KIF6: variants seen among roughly 807,000 people sequenced by gnomAD.
KIF6 encodes the protein kinesin family member 6.
KIF6 carries 106 observed loss-of-function variants against 112.7 expected under a neutral mutation model. The observed-to-expected ratio is 0.94, with a 90% CI of 0.80 to 1.11. The LOEUF is 1.11. Ranked by LOEUF, KIF6 falls within the 50% of genes least tolerant of loss-of-function variation. KIF6 has a pLI of 0.00. For missense variants in KIF6, 929 were observed against 964.0 expected, an observed-to-expected ratio of 0.96 and a Z score of 0.48; for synonymous variants, 339 against 339.9, an observed-to-expected ratio of 1.00 and a Z score of 0.03.
chr6:39,337,184 T>TTTCTTTCTTTCTTTCTTTCTTTCTTTC (rs1763032088), intron 22 of KIF6, among the ~76,000 whole-genome samples: 1 of 89,086 alleles, frequency 1.1e-5, no homozygotes, highest in Non-Finnish European at 2.0e-5. Flanking sequence ...TCTTTCTTTC[T>TTTCTTTCTTTCTTTCTTTCTTTCTTTC]TTCTTTCTTT....
At chr6:39,443,391 A>G (rs1485128375) in intron 13 of KIF6, among the ~76,000 whole-genome samples, 1 of 152,036 alleles carries the variant, frequency 6.6e-6, no homozygotes, top group Non-Finnish European at 1.5e-5. Context: ...ATCTATGCCT[A>G]AATTAGGAAT....
rs185841065 is a variant in KIF6, at chr6:39,368,818, G to A, written c.1862-6300C>T. Among the ~76,000 whole-genome samples the A allele has an allele frequency of 3.3e-4, 51 of 152,308 alleles. 1 individual carries two copies. The East Asian group carries it at 7.0e-3, about 21-fold the overall frequency. ...TCCAAGCATTCACCAAAGCCAAAAGGGGCCCTCTGGGCCTCTGTAGAGCAA... is the reference window on the plus strand; with the variant it reads ...TCCAAGCATTCACCAAAGCCAAAAGAGGCCCTCTGGGCCTCTGTAGAGCAA... On this transcript the variant is annotated intron_variant, in intron 16 of 22. Coordinates refer to ENST00000287152, the MANE Select transcript of KIF6 (RefSeq NM_145027.6).
chr6:39,672,241 CA>C (rs1786859813), intron 3 of KIF6, among the ~76,000 whole-genome samples: 1 of 152,128 alleles, frequency 6.6e-6, no homozygotes, highest in Non-Finnish European at 1.5e-5. Flanking sequence ...CTCAGCCTTC[CA>C]AAGTGCTGGG....
intron 13 of KIF6, among the ~76,000 whole-genome samples, chr6:39,508,749 C>T (rs1381951660): frequency 6.6e-6 from 1 of 152,142 alleles, no homozygotes; most frequent in African/African-American, 2.4e-5. Context: ...GGGTGGAGCC[C>T]ACCGCAGCTC....
At chr6:39,618,122 T>C (rs140198678) in intron 5 of KIF6, among the ~76,000 whole-genome samples, 78 of 152,304 alleles carry the variant, frequency 5.1e-4, no homozygotes, top group African/African-American at 1.7e-3. Context: ...AAAATATAAA[T>C]ACTTGAAATA....
At chr6:39,520,119 C>T (rs1485547007) in intron 13 of KIF6, among the ~76,000 whole-genome samples, 21 of 152,146 alleles carry the variant, frequency 1.4e-4, no homozygotes, top group Admixed American at 1.4e-3. Context: ...TATTCCTCTT[C>T]CGGAGCAGTT....
intron 9 of KIF6, chr6:39,583,076 G>A: frequency 4.0e-6 from 1 of 248,534 alleles, no homozygotes; most frequent in Non-Finnish European, 8.3e-6. Flanking sequence ...ACATAATAAT[G>A]TTTACCTTTC....
intron 10 of KIF6, among the ~76,000 whole-genome samples, chr6:39,557,941 C>T (rs1582130995): frequency 6.6e-6 from 1 of 150,832 alleles, no homozygotes; most frequent in African/African-American, 2.4e-5. Context: ...GATTTCTATC[C>T]CCCTTTTTTT....
intron 13 of KIF6, among the ~76,000 whole-genome samples, chr6:39,535,651 C>T (rs573986314): frequency 0.014 from 2,112 of 152,270 alleles, 31 homozygotes; most frequent in Middle Eastern, 0.054. Flanking sequence ...TTAGACAGAT[C>T]AACAAGACAG....
At chr6:39,545,298 T>G (rs939265544) in intron 11 of KIF6, among the ~76,000 whole-genome samples, 2 of 152,200 alleles carry the variant, frequency 1.3e-5, no homozygotes, top group African/African-American at 4.8e-5. Context: ...TCTCTTGATA[T>G]AGCTTGAAAA....
chr6:39,653,215 T>A (rs762954617), intron 3 of KIF6, among the ~76,000 whole-genome samples: 10 of 152,124 alleles, frequency 6.6e-5, no homozygotes, highest in Non-Finnish European at 1.2e-4. Context: ...TCCTCTGGAG[T>A]ACCTTGATTT....
intron 7 of KIF6, 43 bp downstream of exon 7, chr6:39,596,011 T>G: frequency 1.4e-6 from 2 of 1,464,496 alleles, no homozygotes; most frequent in Non-Finnish European, 1.9e-6. Flanking sequence ...GGTCAACACA[T>G]GGTAGCTATA....
intron 13 of KIF6, among the ~76,000 whole-genome samples, chr6:39,498,097 T>A (rs1775892666): frequency 6.6e-6 from 1 of 152,192 alleles, no homozygotes; most frequent in South Asian, 2.1e-4. Flanking sequence ...GCATGCAGCT[T>A]GGGATTTGGC....
intron 13 of KIF6, among the ~76,000 whole-genome samples, chr6:39,474,435 A>G (rs546300447): frequency 1.3e-5 from 2 of 152,224 alleles, no homozygotes; most frequent in Non-Finnish European, 2.9e-5. Flanking sequence ...CTTAGTTGAG[A>G]GGTCTGTTTA....
chr6:39,451,998 G>A (rs972022898), intron 13 of KIF6, among the ~76,000 whole-genome samples: 2 of 152,150 alleles, frequency 1.3e-5, no homozygotes, highest in Non-Finnish European at 2.9e-5. Flanking sequence ...CAAAATGGGC[G>A]AGCCTGCAAT....
intron 5 of KIF6, among the ~76,000 whole-genome samples, chr6:39,619,833 TTA>T (rs1783719191): frequency 6.6e-6 from 1 of 152,192 alleles, no homozygotes; most frequent in Non-Finnish European, 1.5e-5. Context: ...ATACGAAACA[TTA>T]TGTTATTTCC....
chr6:39,515,588 G>A (rs746021377), intron 13 of KIF6, among the ~76,000 whole-genome samples: 2 of 152,146 alleles, frequency 1.3e-5, no homozygotes, highest in Non-Finnish European at 2.9e-5. Flanking sequence ...AATAGAAAAA[G>A]CCATCTCAAA....
intron 10 of KIF6, among the ~76,000 whole-genome samples, chr6:39,550,503 G>A (rs1160484765): frequency 6.6e-6 from 1 of 152,196 alleles, no homozygotes; most frequent in Admixed American, 6.5e-5. Context: ...CTCGGGGGAT[G>A]CAAAGCAATG....
chr6:39,442,657 C>T (rs1025009670), intron 13 of KIF6, among the ~76,000 whole-genome samples: 10 of 152,114 alleles, frequency 6.6e-5, no homozygotes, highest in Non-Finnish European at 1.0e-4. Flanking sequence ...GATTTTAGCC[C>T]GTAGATGTGG....
Sources: gnomAD v4.1 joint callset for allele counts (sites outside exome capture counted in the v4.1 genomes callset) on GRCh38, gnomAD v4.1.1 for gene constraint, MANE v1.5 for transcripts, NCBI Gene and HGNC (gene_info 2026-07-23, HGNC 2026-07-21) for gene names.